Variants in HECTD2 observed in about 807,000 individuals in gnomAD.
HECTD2 encodes probable E3 ubiquitin-protein ligase HECTD2.
In HECTD2, 35 loss-of-function variants were observed where a neutral mutation model predicts 103.2. That is an observed-to-expected ratio of 0.34 (90% CI 0.26 to 0.45). The LOEUF (loss-of-function observed/expected upper bound fraction) is 0.45, where lower values mean the gene tolerates loss of function less well. HECTD2 is among the 20% of genes least tolerant of loss of function. The pLI is 1.00. For synonymous variants in HECTD2, 281 were observed against 329.9 expected (o/e 0.85, Z 1.61); for missense variants, 596 against 937.4 (o/e 0.64, Z 4.76).
At position 91,498,973 on chromosome 10, in the gene HECTD2, CT is replaced by C. The variant is rs769287612; in HGVS notation, c.1843+19del. ...AAAATAGAAAAGGTAAGTTAATACC[CT>C]TTTTAATTAAAATGAATTAGTATTT... On this transcript the variant is annotated intron_variant, in intron 17 of 20. Coordinates refer to ENST00000298068, the MANE Select transcript of HECTD2 (RefSeq NM_182765.6). 1.9e-6 allele frequency: 3 copies of C among 1,565,644 alleles called. No individual in the cohort carries two copies. Among genetic ancestry groups the C allele is most frequent in the Non-Finnish European group, 2.6e-6 (3 of 1,138,666 alleles).
At chr10:91,495,028 A>G (rs1846615345) in intron 14 of HECTD2, among the ~76,000 whole-genome samples, 2 of 151,998 alleles carry the variant, frequency 1.3e-5, no homozygotes, top group African/African-American at 2.4e-5. Context: ...GCATGTTTAG[A>G]TATTCTATAT....
chr10:91,460,734 T>C (rs185438597), intron 3 of HECTD2, among the ~76,000 whole-genome samples, 169 bp downstream of exon 3: 7 of 152,020 alleles, frequency 4.6e-5, no homozygotes, highest in Admixed American at 3.9e-4. Context: ...AACAAATATA[T>C]AAATAACAGG....
intron 2 of HECTD2, among the ~76,000 whole-genome samples, chr10:91,434,716 A>G (rs1844042716): frequency 6.6e-6 from 1 of 151,880 alleles, no homozygotes; most frequent in Non-Finnish European, 1.5e-5. Flanking sequence ...TACATAGTAT[A>G]AGGTTTGGCA....
chr10:91,502,974 A>G (rs963787560), intron 20 of HECTD2, among the ~76,000 whole-genome samples: 1 of 152,232 alleles, frequency 6.6e-6, no homozygotes, highest in African/African-American at 2.4e-5. Context: ...GGTATGCCTC[A>G]AAAGACAAGG....
chr10:91,415,066 G>A (rs76522006), intron 1 of HECTD2, among the ~76,000 whole-genome samples: 1,711 of 152,304 alleles, frequency 0.011, 37 homozygotes, highest in African/African-American at 0.039. Flanking sequence ...AGGACAGAGT[G>A]TAAGGGATGG....
At chr10:91,506,777 G>A (rs1297693180) in intron 20 of HECTD2, among the ~76,000 whole-genome samples, 1 of 151,946 alleles carries the variant, frequency 6.6e-6, no homozygotes, top group Non-Finnish European at 1.5e-5. Flanking sequence ...CATTTTATGA[G>A]GCCAACATCA....
chr10:91,429,729 C>G (rs982034393), intron 2 of HECTD2, among the ~76,000 whole-genome samples: 1 of 151,956 alleles, frequency 6.6e-6, no homozygotes, highest in Non-Finnish European at 1.5e-5. Context: ...GTGATATCCC[C>G]TTTATCATTT....
chr10:91,425,948 A>G (rs1843541974), intron 2 of HECTD2, among the ~76,000 whole-genome samples: 1 of 152,034 alleles, frequency 6.6e-6, no homozygotes, highest in South Asian at 2.1e-4. Flanking sequence ...TGATATTGGA[A>G]GCAATCTATA....
Position 91,425,298 on chromosome 10 carries a change from CA to C in HECTD2, c.159del (p.Gly54AlafsTer37). On this transcript the variant is annotated frameshift_variant, in exon 2 of 21. Transcript: ENST00000298068. LOFTEE classifies it high-confidence loss of function. ...GATAGLDRGA[K>X]GQISTFSSFI... The stretch of plus-strand genomic sequence containing the variant: ...GTTTTCAGGGTTTGGACAGAGGAGC[CA>C]AAGGCCAAATTTCCACTTTCAGCAG... 6.5e-7 allele frequency: 1 copy of C among 1,541,412 alleles called. No homozygotes were observed. Among genetic ancestry groups the C allele is most frequent in the Middle Eastern group, 1.7e-4 (1 of 5,804 alleles).
chr10:91,416,001 T>C (rs1411947814), intron 1 of HECTD2, among the ~76,000 whole-genome samples: 6 of 103,958 alleles, frequency 5.8e-5, no homozygotes, highest in African/African-American at 2.7e-4. Flanking sequence ...GTCAACTTTT[T>C]TTTTAAACCA....
chr10:91,492,541 G>GAATTT (rs1164181523), intron 13 of HECTD2, 57 bp downstream of exon 13: 1 of 1,278,402 alleles, frequency 7.8e-7, no homozygotes, highest in African/African-American at 1.5e-5. Context: ...TTAGAGTGAA[G>GAATTT]TAGTCACCCT....
chr10:91,514,114 C>T lies in HECTD2; in HGVS notation c.*1730C>T, dbSNP rs1295534134. On this transcript the variant is annotated 3_prime_UTR_variant, in exon 21 of 21. Coordinates refer to ENST00000298068, the MANE Select transcript of HECTD2 (RefSeq NM_182765.6). ...AAATCAGCTTTTTAATGTAGGTTAC[C>T]ACTTATAAGCACAAAAGAAACATGT... 3 of 152,496 alleles carry T rather than the reference C, an allele frequency of 2.0e-5. No homozygotes were observed. The highest frequency in any genetic ancestry group is 7.2e-5 in the African/African-American group (3 of 41,400). 9.4% of individuals were successfully genotyped at this position (152,496 alleles called of 1,614,324 possible).
chr10:91,465,893 T>G (rs1845515664), intron 5 of HECTD2, among the ~76,000 whole-genome samples: 1 of 152,210 alleles, frequency 6.6e-6, no homozygotes. Flanking sequence ...ATCTATACTT[T>G]TCCTTTCTTG....
intron 2 of HECTD2, among the ~76,000 whole-genome samples, chr10:91,435,353 A>G (rs906769476): frequency 4.6e-5 from 7 of 151,972 alleles, no homozygotes; most frequent in African/African-American, 1.7e-4. Context: ...CAAGAGTACT[A>G]TAGGTTCAAT....
intron 2 of HECTD2, among the ~76,000 whole-genome samples, chr10:91,439,233 C>T (rs1278797013): frequency 1.3e-5 from 2 of 152,126 alleles, no homozygotes; most frequent in African/African-American, 2.4e-5. Context: ...GTCTTTAATT[C>T]ATCTTGAGTT....
At chr10:91,425,232 T>C (rs1843511749) in intron 1 of HECTD2, 49 bp from the exon 2 acceptor site, 1 of 1,335,372 alleles carries the variant, frequency 7.5e-7, no homozygotes, top group South Asian at 2.2e-5. Context: ...AATAAAATAA[T>C]TTATAGGTAG....
intron 1 of HECTD2, among the ~76,000 whole-genome samples, chr10:91,424,396 ACT>A (rs1843477977): frequency 6.6e-6 from 1 of 151,968 alleles, no homozygotes; most frequent in Non-Finnish European, 1.5e-5. Context: ...TGAAAAAGAA[ACT>A]CTTCCTCTAC....
chr10:91,496,992 C>T (rs1261366589), intron 15 of HECTD2, among the ~76,000 whole-genome samples: 1 of 150,126 alleles, frequency 6.7e-6, no homozygotes, highest in East Asian at 1.9e-4. Context: ...CAGAATCTCA[C>T]TCTGTCACCC....
intron 7 of HECTD2, 140 bp from the exon 8 acceptor site, chr10:91,482,827 A>T (rs1234063336): frequency 8.5e-6 from 4 of 471,692 alleles, no homozygotes; most frequent in Non-Finnish European, 1.5e-5. Context: ...GTCTCTGTTA[A>T]TTAAATAACA....
Sources: gnomAD v4.1 joint callset for allele counts (sites outside exome capture counted in the v4.1 genomes callset) on GRCh38, gnomAD v4.1.1 for gene constraint, MANE v1.5 for transcripts, NCBI Gene and HGNC (gene_info 2026-07-23, HGNC 2026-07-21) for gene names.